PRMT9: variants seen among roughly 807,000 people sequenced by gnomAD.
PRMT9 encodes the protein protein arginine N-methyltransferase 9.
A neutral mutation model predicts 83.2 loss-of-function variants in PRMT9; 59 were observed. That is an observed-to-expected ratio of 0.71 (90% confidence interval 0.57 to 0.88). The LOEUF is 0.88. Ranked by LOEUF, PRMT9 falls within the 40% of genes least tolerant of loss-of-function variation. The pLI is 0.00. For synonymous variants in PRMT9, 333 were observed against 353.2 expected, an observed-to-expected ratio of 0.94 and a Z score of 0.64; for missense variants, 947 against 1,021.9, an observed-to-expected ratio of 0.93 and a Z score of 1.00.
intron 2 of PRMT9, among the ~76,000 whole-genome samples, chr4:147,674,129 G>A (rs1260741791): frequency 6.6e-6 from 1 of 152,108 alleles, no homozygotes; most frequent in African/African-American, 2.4e-5. Context: ...TTATACTAAT[G>A]TATAGCAGAA....
At chr4:147,658,552 C>G (rs1177565165) in intron 7 of PRMT9, among the ~76,000 whole-genome samples, 1 of 152,016 alleles carries the variant, frequency 6.6e-6, no homozygotes, top group Non-Finnish European at 1.5e-5. Context: ...AAATTAAAAC[C>G]TTAGTAAGAT....
At chr4:147,643,117 A>G (rs1733517953) in intron 9 of PRMT9, among the ~76,000 whole-genome samples, 177 bp from the exon 10 acceptor site, 1 of 151,928 alleles carries the variant, frequency 6.6e-6, no homozygotes, top group Non-Finnish European at 1.5e-5. Flanking sequence ...AAAACTAGCC[A>G]ACTAGATCCA....
chr4:147,679,396 T>C (rs1215854258), intron 2 of PRMT9, among the ~76,000 whole-genome samples: 1 of 151,372 alleles, frequency 6.6e-6, no homozygotes, highest in Non-Finnish European at 1.5e-5. Flanking sequence ...CCATGAGCCA[T>C]GATGGTGCTA....
At chr4:147,653,786 A>G in intron 9 of PRMT9, 66 bp downstream of exon 9, 1 of 1,101,656 alleles carries the variant, frequency 9.1e-7, no homozygotes, top group African/African-American at 1.6e-5. Context: ...AAAGAACTTA[A>G]GGAATTTACA....
intron 10 of PRMT9, among the ~76,000 whole-genome samples, chr4:147,641,964 A>G (rs966215855): frequency 1.3e-5 from 2 of 152,022 alleles, no homozygotes; most frequent in African/African-American, 4.8e-5. Context: ...TGCCCAGCCC[A>G]TTTCTAAGTC....
chr4:147,654,128 C>T lies in PRMT9; in HGVS notation c.1769G>A (p.Gly590Asp). Residue 590 changes from glycine (G) to aspartate (D), a missense_variant, in exon 9 of 12, where the codon GGC becomes GAC. By Grantham distance (94) the Gly-to-Asp change is moderately conservative. Transcript: ENST00000322396. ...AGCAATAACAGGCAGAACAGAGAAG[C>T]CTTCGGACACATCTAACACGTAGAA... is the stretch of plus-strand genomic sequence containing the variant. The part of the protein sequence containing the change: ...EPFYVLDVSE[G>D]FSVLPVIAGT... 6.2e-7 allele frequency: 1 copy of T among 1,614,188 alleles called. No homozygotes were observed. The highest frequency in any genetic ancestry group is 1.6e-4 in the Middle Eastern group (1 of 6,062).
chr4:147,650,952 A>C (rs968655968), intron 9 of PRMT9, among the ~76,000 whole-genome samples: 1 of 152,144 alleles, frequency 6.6e-6, no homozygotes. Flanking sequence ...AATACAAAAA[A>C]TTAGCCAGCT....
At chr4:147,661,528 T>G (rs999665927) in intron 6 of PRMT9, among the ~76,000 whole-genome samples, 1 of 152,034 alleles carries the variant, frequency 6.6e-6, no homozygotes, top group East Asian at 1.9e-4. Context: ...CGGTGGCTCA[T>G]GCCTGTAATC....
chr4:147,670,109 AT>A (rs1181664413), intron 5 of PRMT9, among the ~76,000 whole-genome samples: 1 of 152,134 alleles, frequency 6.6e-6, no homozygotes, highest in African/African-American at 2.4e-5. Flanking sequence ...TTGCCTGTAT[AT>A]CTCATTCAGG....
At chr4:147,655,920 T>C (rs916031308) in intron 8 of PRMT9, among the ~76,000 whole-genome samples, 1 of 152,166 alleles carries the variant, frequency 6.6e-6, no homozygotes, top group African/African-American at 2.4e-5. Flanking sequence ...TTACTACAGG[T>C]ATAAGAGAGT....
chr4:147,659,488 A>T (rs1358892787), intron 7 of PRMT9, among the ~76,000 whole-genome samples: 4 of 152,006 alleles, frequency 2.6e-5, no homozygotes, highest in Non-Finnish European at 4.4e-5. Flanking sequence ...TTCACTTACA[A>T]CATTTATGTA....
intron 7 of PRMT9, among the ~76,000 whole-genome samples, chr4:147,658,801 A>T (rs571340646): frequency 2.0e-5 from 3 of 152,330 alleles, no homozygotes; most frequent in South Asian, 2.1e-4. Context: ...CTATTAAATT[A>T]TAAAAATCTT....
At chr4:147,643,665 A>T (rs1733555548) in intron 9 of PRMT9, among the ~76,000 whole-genome samples, 1 of 152,248 alleles carries the variant, frequency 6.6e-6, no homozygotes, top group South Asian at 2.1e-4. Context: ...AAATGTGTAG[A>T]TACAACTTAA....
At position 147,672,945 on chromosome 4, in the gene PRMT9, T is replaced by C. The variant is rs1735826879; in HGVS notation, c.743+14A>G. On this transcript the variant is annotated intron_variant, in intron 4 of 11. Transcript: ENST00000322396. The stretch of plus-strand genomic sequence containing the variant: ...GAGAAGTATAAACACTAAAATTAGT[T>C]TACATGATAATACCTTTCGGGAATA... The C allele has an allele frequency of 8.7e-6, 14 of 1,608,816 alleles. No homozygotes were observed. Among genetic ancestry groups the C allele is most frequent in the Non-Finnish European group, 1.2e-5 (14 of 1,175,372 alleles).
Position 147,653,949 on chromosome 4 carries a change from G to A in PRMT9, c.1948C>T (p.Pro650Ser), listed in dbSNP as rs779924735. ...VEDESAMLQR[P>S]KSDKLWSIII... ...ATGCTCCATAACTTGTCTGATTTTG[G>A]CCTTTGTAACATAGCAGATTCATCC... The change falls in exon 9 of 12, where the codon CCA (proline) becomes TCA (serine). Residue 650 changes from proline to serine, a missense_variant. Transcript: ENST00000322396. 1 of 1,614,108 alleles carries A rather than the reference G, an allele frequency of 6.2e-7. No homozygotes were observed. Among genetic ancestry groups the A allele is most frequent in the Admixed American group, 1.7e-5 (1 of 60,014 alleles).
At chr4:147,642,680 G>T in intron 10 of PRMT9, 107 bp downstream of exon 10, 1 of 981,938 alleles carries the variant, frequency 1.0e-6, no homozygotes, top group Non-Finnish European at 1.6e-6. Flanking sequence ...GATTAATCCA[G>T]CTAAACTTTA....
In PRMT9 at chr4:147,654,061, T is replaced by C. The variant is rs1469184271; in HGVS notation, c.1836A>G (p.Lys612=). 1 of 1,614,236 alleles carries C rather than the reference T, an allele frequency of 6.2e-7. No homozygotes were observed. Among genetic ancestry groups the C allele is most frequent in the Non-Finnish European group, 8.5e-7 (1 of 1,180,038 alleles). The change falls in exon 9 of 12, where the codon AAA becomes AAG. Residue 612 remains lysine, a synonymous_variant. Coordinates refer to ENST00000322396, the MANE Select transcript of PRMT9 (RefSeq NM_138364.4). ...GGTCCAGAGCAATACGATGCTGGTC[T>C]TTCTCCACAGAACTGTATGGTTTAA... ...GQVKPYSSVE[K]DQHRIALDLI... is the part of the protein sequence containing the mutation.
intron 2 of PRMT9, among the ~76,000 whole-genome samples, chr4:147,675,682 A>G (rs1353056557): frequency 1.3e-5 from 2 of 152,214 alleles, no homozygotes; most frequent in African/African-American, 2.4e-5. Context: ...AATCTACTCC[A>G]TTAAAGCATA....
Position 147,661,023 on chromosome 4 carries a change from G to T in PRMT9, c.969C>A (p.Asp323Glu). 6.2e-7 allele frequency: 1 copy of T among 1,610,748 alleles called. No homozygotes were observed. The highest frequency in any genetic ancestry group is 8.5e-7 in the Non-Finnish European group (1 of 1,177,088). The change falls in exon 7 of 12, where the codon GAC becomes GAA. Residue 323 changes from aspartate (D) to glutamate (E), a missense_variant. Physicochemically the swap from Asp to Glu is conservative, Grantham distance 45 (BLOSUM62 2). Coordinates refer to ENST00000322396, the MANE Select transcript of PRMT9 (RefSeq NM_138364.4). ...IRRHHRVGIK[D>E]IAGIHLPTNV... Reference sequence around the variant, plus strand: ...TTGTTGGCAAATGGATACCAGCAATGTCCTTAATACCCACTCTGGAGAGAG... The same window carrying T: ...TTGTTGGCAAATGGATACCAGCAATTTCCTTAATACCCACTCTGGAGAGAG...
Sources: allele counts gnomAD v4.1 joint callset (sites outside exome capture counted in the v4.1 genomes callset), GRCh38; gene constraint gnomAD v4.1.1; transcripts MANE v1.5; gene names NCBI Gene and HGNC (gene_info 2026-07-23, HGNC 2026-07-21).